The following ZNF615 variants were observed in gnomAD, a reference collection of about 807,000 sequenced individuals.
ZNF615 encodes zinc finger protein 615.
ZNF615 carries 15 observed loss-of-function variants against 15.3 expected under a neutral mutation model. The ratio of observed to expected loss-of-function variants is 0.98; its 90% CI spans 0.66 to 1.51. The LOEUF is 1.51. ZNF615 is among the 40% of genes most tolerant of loss of function. The probability of loss-of-function intolerance (pLI) is 0.00; values close to 1 mark genes in which losing one functional copy is unlikely to be tolerated. For missense variants in ZNF615, 848 were observed against 895.9 expected (o/e 0.95, Z 0.68); for synonymous variants, 268 against 294.6 (o/e 0.91, Z 0.92).
At chr19:51,999,177 T>C (rs1337943953) in intron 6 of ZNF615, among the ~76,000 whole-genome samples, 1 of 152,206 alleles carries the variant, frequency 6.6e-6, no homozygotes, top group African/African-American at 2.4e-5. Context: ...ATTTATATTC[T>C]GAAAGTGATA....
rs1327286593 is a variant in ZNF615 at position 51,993,192 on chromosome 19, T to C, written c.1917A>G (p.Glu639=). ...HTGEKPYKCN[E]CDKTFRKKTC... is the part of the protein sequence containing the mutation. ...TCTTCTTCCTGAAGGTTTTATCACA[T>C]TCATTGCATTTGTATGGCTTCTCTC... Residue 639 remains glutamate (E), a synonymous_variant, in exon 7 of 7, where the codon GAA becomes GAG. Transcript: ENST00000598071. The C allele has an allele frequency of 6.2e-7, 1 of 1,614,026 alleles. No individual in the cohort carries two copies. Among genetic ancestry groups the C allele is most frequent in the Non-Finnish European group, 8.5e-7 (1 of 1,179,954 alleles).
chr19:51,998,815 C>T (rs1480641198), intron 6 of ZNF615, among the ~76,000 whole-genome samples: 1 of 152,040 alleles, frequency 6.6e-6, no homozygotes, highest in Non-Finnish European at 1.5e-5. Context: ...CCACCACACC[C>T]GGCTAATTTT....
At chr19:52,001,670 C>CA in intron 5 of ZNF615, 143 bp downstream of exon 5, 1 of 537,122 alleles carries the variant, frequency 1.9e-6, no homozygotes, top group Non-Finnish European at 3.4e-6. Context: ...CATACTATAA[C>CA]AAAAAAGAGC....
At chr19:52,006,320 A>G (rs1409669630) in intron 2 of ZNF615, among the ~76,000 whole-genome samples, 2 of 152,230 alleles carry the variant, frequency 1.3e-5, no homozygotes, top group Non-Finnish European at 2.9e-5. Flanking sequence ...TTTACAAAAG[A>G]CAAAACCAAA....
Position 51,993,190 on chromosome 19 carries a change from C to T in ZNF615, c.1919G>A (p.Cys640Tyr). ...TGTCTTCTTCCTGAAGGTTTTATCA[C>T]ATTCATTGCATTTGTATGGCTTCTC... ...TGEKPYKCNECDKTFRKKTCL... is the reference protein window; with the variant it reads ...TGEKPYKCNEYDKTFRKKTCL... Residue 640 changes from cysteine (C) to tyrosine (Y), a missense_variant, in exon 7 of 7, where the codon TGT becomes TAT. Cys to Tyr is a radical substitution (Grantham distance 194). Coordinates refer to ENST00000598071, the MANE Select transcript of ZNF615 (RefSeq NM_001199324.2). 1.2e-6 allele frequency: 2 copies of T among 1,614,152 alleles called. No homozygotes were observed. Among genetic ancestry groups the T allele is most frequent in the Non-Finnish European group, 1.7e-6 (2 of 1,179,958 alleles).
Position 51,994,442 on chromosome 19 carries a change from C to A in ZNF615, c.667G>T (p.Ala223Ser), listed in dbSNP as rs770684290. Residue 223 changes from alanine (A) to serine (S), a missense_variant, in exon 7 of 7, where the codon GCC becomes TCC. Physicochemically the swap from Ala to Ser is moderately conservative, Grantham distance 99. Transcript: ENST00000598071. The part of the protein sequence containing the change: ...NAHVCSECGK[A>S]FLKLSQFIDH... ...ATAAACTGAGACAACTTGAGGAAGGCTTTCCCACATTCACTGCATACATGG... is the reference window on the plus strand; with the variant it reads ...ATAAACTGAGACAACTTGAGGAAGGATTTCCCACATTCACTGCATACATGG... 6.2e-7 allele frequency: 1 copy of A among 1,614,182 alleles called. No individual in the cohort carries two copies. The highest frequency in any genetic ancestry group is 8.5e-7 in the Non-Finnish European group (1 of 1,180,018).
chr19:52,001,223 C>T (rs2086579968), intron 5 of ZNF615, among the ~76,000 whole-genome samples: 1 of 152,020 alleles, frequency 6.6e-6, no homozygotes, highest in African/African-American at 2.4e-5. Context: ...AGCAGAGACA[C>T]TGTGACAGTG....
At chr19:52,003,980 C>G in intron 2 of ZNF615, 80 bp from the exon 3 acceptor site, 5 of 980,146 alleles carry the variant, frequency 5.1e-6, no homozygotes, top group Non-Finnish European at 6.6e-6. Context: ...CACCTTAAAT[C>G]AAGGCCCCCA....
intron 5 of ZNF615, 154 bp downstream of exon 5, chr19:52,001,659 C>T (rs2086597327): frequency 1.7e-6 from 1 of 586,510 alleles, no homozygotes; most frequent in Non-Finnish European, 3.1e-6. Flanking sequence ...GGCATATTTT[C>T]CATACTATAA....
intron 6 of ZNF615, among the ~76,000 whole-genome samples, chr19:51,999,730 T>C (rs1203051442): frequency 3.3e-5 from 5 of 152,196 alleles, no homozygotes; most frequent in African/African-American, 1.2e-4. Flanking sequence ...AGCAAAACTA[T>C]GAAGGAAGTA....
At chr19:52,002,013 C>G (rs1229385126) in intron 4 of ZNF615, 105 bp from the exon 5 acceptor site, 1 of 1,604,644 alleles carries the variant, frequency 6.2e-7, no homozygotes, top group Non-Finnish European at 8.5e-7. Flanking sequence ...AGATCTGTAA[C>G]AAGAAGGTAG....
chr19:52,007,775 G>T (rs1429798552), intron 1 of ZNF615, among the ~76,000 whole-genome samples: 1 of 152,080 alleles, frequency 6.6e-6, no homozygotes, highest in Non-Finnish European at 1.5e-5. Flanking sequence ...CCGATTCGCT[G>T]ACAAAACAAA....
intron 5 of ZNF615, 56 bp from the exon 6 acceptor site, chr19:52,000,434 A>G (rs1325766360): frequency 1.3e-5 from 8 of 593,162 alleles, no homozygotes; most frequent in Admixed American, 2.5e-5. Flanking sequence ...TTATATAAGG[A>G]TAGCCAAAAG....
chr19:51,993,476 G>A lies in ZNF615; in HGVS notation c.1633C>T (p.His545Tyr). The A allele has an allele frequency of 6.2e-7, 1 of 1,614,112 alleles. No homozygotes were observed. The highest frequency in any genetic ancestry group is 8.5e-7 in the Non-Finnish European group (1 of 1,180,024). ...KIRLMGHQRT[H>Y]TGEKPYICNE... is the part of the protein sequence containing the mutation. Reference sequence around the variant, plus strand: ...CAAATATAAGGTTTCTCTCCTGTATGAGTTCGTTGATGTCCCATTAGCCGG... The same window carrying A: ...CAAATATAAGGTTTCTCTCCTGTATAAGTTCGTTGATGTCCCATTAGCCGG... Residue 545 changes from histidine to tyrosine, a missense_variant, in exon 7 of 7, where the codon CAT (histidine) becomes TAT (tyrosine). By Grantham distance (83) the His-to-Tyr change is moderately conservative. Transcript: ENST00000598071.
Position 52,000,079 on chromosome 19 carries a change from G to C in ZNF615, c.271+267C>G, listed in dbSNP as rs574695798. 1.1e-4 allele frequency: 38 copies of C among 344,442 alleles called. No individual in the cohort carries two copies. In the East Asian group the frequency reaches 1.1e-3, roughly 10 times the overall value. 21.3% of individuals were successfully genotyped at this position (344,442 alleles called of 1,614,324 possible). On this transcript the variant is annotated intron_variant, in intron 6 of 6. Transcript: ENST00000598071. ...TAAAGCATGTCATTTGCAGCAACATGGATGCAGCTGGAAGCCATTACCCTA... is the reference window on the plus strand; with the variant it reads ...TAAAGCATGTCATTTGCAGCAACATCGATGCAGCTGGAAGCCATTACCCTA...
chr19:52,004,170 C>A (rs1443642930), intron 2 of ZNF615, among the ~76,000 whole-genome samples: 1 of 152,146 alleles, frequency 6.6e-6, no homozygotes, highest in Non-Finnish European at 1.5e-5. Flanking sequence ...TGATGCCCAG[C>A]AGCTGGGCAA....
chr19:52,000,006 C>T (rs1183835470), intron 6 of ZNF615: 1 of 200,908 alleles, frequency 5.0e-6, no homozygotes, highest in Non-Finnish European at 1.0e-5. Flanking sequence ...AACAGGATAA[C>T]TGTGGTATAT....
Position 51,992,577 on chromosome 19 carries a change from T to A in ZNF615, c.*303A>T. 1 of 266,180 alleles carries A rather than the reference T, an allele frequency of 3.8e-6. No individual in the cohort carries two copies. The highest frequency in any genetic ancestry group is 7.1e-5 in the East Asian group (1 of 14,002). 16.5% of individuals were successfully genotyped at this position (266,180 alleles called of 1,614,324 possible). A position where few individuals can be genotyped will look rare whatever the true frequency, so the allele number is the denominator to read the frequency against. On this transcript the variant is annotated 3_prime_UTR_variant, in exon 7 of 7. Coordinates refer to ENST00000598071, the MANE Select transcript of ZNF615 (RefSeq NM_001199324.2). ...TTTTATTTTTGGGCAAAGACGTTCC[T>A]ATAATTATTACATTTCCACGAATTA...
At chr19:51,997,646 C>G (rs1193722858) in intron 6 of ZNF615, among the ~76,000 whole-genome samples, 1 of 152,194 alleles carries the variant, frequency 6.6e-6, no homozygotes, top group African/African-American at 2.4e-5. Flanking sequence ...AAAAGATAAC[C>G]TCTGAGCCCC....
Sources: allele counts gnomAD v4.1 joint callset (sites outside exome capture counted in the v4.1 genomes callset), GRCh38; gene constraint gnomAD v4.1.1; transcripts MANE v1.5; gene names NCBI Gene and HGNC (gene_info 2026-07-23, HGNC 2026-07-21).